The following BMP6 variants were observed in gnomAD, a reference collection of about 807,000 sequenced individuals.
The protein encoded by BMP6 is bone morphogenetic protein 6, also known as VG-1-R.
In BMP6, 17 loss-of-function variants were observed where a neutral mutation model predicts 54.1. That is an observed-to-expected ratio of 0.31 (90% CI 0.22 to 0.47). The LOEUF is 0.47. Among genes scored for constraint, BMP6 ranks in the 20% least tolerant of loss-of-function variants. The pLI, the probability that BMP6 is intolerant of heterozygous loss-of-function variation, is 1.00. For synonymous variants in BMP6, 328 were observed against 291.2 expected (o/e 1.13, Z -1.28); for missense variants, 720 against 690.4 (o/e 1.04, Z -0.48).
chr6:7,866,757 T>G (rs1056607025), intron 4 of BMP6, among the ~76,000 whole-genome samples: 8 of 152,248 alleles, frequency 5.3e-5, no homozygotes, highest in African/African-American at 1.9e-4. Context: ...TCTTGATGTT[T>G]ATGTTGTCAC....
At position 7,831,941 on chromosome 6, in the gene BMP6, A is replaced by G. The variant is rs959208729; in HGVS notation, c.665-13199A>G. On this transcript the variant is annotated intron_variant, in intron 1 of 6. Coordinates refer to ENST00000283147, the MANE Select transcript of BMP6 (RefSeq NM_001718.6). ...TGGCTCACACGTGCATTCAACACACATTCTTGGGCACCATGTACTAAGCCT... is the reference window on the plus strand; with the variant it reads ...TGGCTCACACGTGCATTCAACACACGTTCTTGGGCACCATGTACTAAGCCT... Among the ~76,000 whole-genome samples, 5 of 152,226 alleles carry G rather than the reference A, an allele frequency of 3.3e-5. No homozygotes were observed. In the East Asian group the frequency reaches 7.7e-4, roughly 23 times the overall value.
At chr6:7,804,924 C>T (rs926857212) in intron 1 of BMP6, among the ~76,000 whole-genome samples, 5 of 151,986 alleles carry the variant, frequency 3.3e-5, no homozygotes, top group African/African-American at 9.7e-5. Context: ...AAAAACACAG[C>T]CATTGCACAG....
At chr6:7,766,572 C>A (rs969864071) in intron 1 of BMP6, among the ~76,000 whole-genome samples, 8 of 152,130 alleles carry the variant, frequency 5.3e-5, no homozygotes, top group Non-Finnish European at 1.2e-4. Flanking sequence ...GAGCCAAGAT[C>A]GTGCCACTGC....
intron 2 of BMP6, among the ~76,000 whole-genome samples, chr6:7,856,755 C>T (rs897292109): frequency 1.3e-5 from 2 of 150,086 alleles, no homozygotes; most frequent in Non-Finnish European, 3.0e-5. Flanking sequence ...CGCCACTACG[C>T]CCGGCTAATT....
chr6:7,771,706 G>A (rs1757791183), intron 1 of BMP6, among the ~76,000 whole-genome samples: 2 of 152,010 alleles, frequency 1.3e-5, no homozygotes, highest in Admixed American at 1.3e-4. Context: ...GGTGGTGCAG[G>A]GCAGGCTGTA....
chr6:7,876,647 C>A (rs973901904), intron 4 of BMP6, among the ~76,000 whole-genome samples: 4 of 152,210 alleles, frequency 2.6e-5, no homozygotes, highest in South Asian at 2.1e-4. Context: ...TATAACTAAT[C>A]TGTTAAGTAA....
chr6:7,751,788 G>A (rs1301711835), intron 1 of BMP6, among the ~76,000 whole-genome samples: 1 of 152,230 alleles, frequency 6.6e-6, no homozygotes, highest in Non-Finnish European at 1.5e-5. Flanking sequence ...TAGTTAGAAT[G>A]TAAGATGTTT....
chr6:7,803,035 G>A (rs1758295095), intron 1 of BMP6, among the ~76,000 whole-genome samples: 2 of 152,200 alleles, frequency 1.3e-5, no homozygotes, highest in African/African-American at 4.8e-5. Context: ...AAATCAACCT[G>A]GGAAGAAAAA....
chr6:7,761,941 A>G lies in BMP6; in HGVS notation c.664+34322A>G, dbSNP rs1328921837. ...GAGACGGAGTCTGACTCTGTTGCCC[A>G]GGCTGGAGTGTAGTGGTGTGATCTC... is the stretch of plus-strand genomic sequence containing the variant. On this transcript the variant is annotated intron_variant, in intron 1 of 6. Transcript: ENST00000283147. 2.0e-5 allele frequency among the ~76,000 whole-genome samples: 3 copies of G among 152,094 alleles called. No individual in the cohort carries two copies. In the East Asian group the frequency reaches 5.8e-4, roughly 29 times the overall value.
At position 7,754,340 on chromosome 6, in the gene BMP6, C is replaced by G. The variant is rs561858741; in HGVS notation, c.664+26721C>G. Reference sequence around the variant, plus strand: ...GTTGCCTAGGTCTCAAACTCCTGAGCTCAAGCGATCTGCCCTCCTCGGCTT... The same window carrying G: ...GTTGCCTAGGTCTCAAACTCCTGAGGTCAAGCGATCTGCCCTCCTCGGCTT... On this transcript the variant is annotated intron_variant, in intron 1 of 6. Transcript: ENST00000283147. Among the ~76,000 whole-genome samples the G allele has an allele frequency of 7.4e-4, 113 of 152,172 alleles. 2 individuals carry two copies. The highest frequency in any genetic ancestry group is 2.9e-4 in the Non-Finnish European group (20 of 68,018).
intron 4 of BMP6, among the ~76,000 whole-genome samples, chr6:7,876,918 ATTGTT>A (rs775422024): frequency 6.7e-5 from 9 of 134,388 alleles, no homozygotes; most frequent in Admixed American, 5.1e-4. Flanking sequence ...TAGTTTTGTT[ATTGTT>A]TTGTTTTGTT....
chr6:7,764,986 AT>A (rs759337876), intron 1 of BMP6, among the ~76,000 whole-genome samples: 13 of 152,184 alleles, frequency 8.5e-5, no homozygotes, highest in Non-Finnish European at 1.8e-4. Flanking sequence ...TGTGCAGGTA[AT>A]TCGTTGACTT....
intron 1 of BMP6, among the ~76,000 whole-genome samples, chr6:7,809,482 G>C (rs1261653265): frequency 4.6e-5 from 7 of 152,250 alleles, no homozygotes; most frequent in African/African-American, 1.4e-4. Flanking sequence ...CGTAGCATGA[G>C]CAACAGGATT....
chr6:7,869,871 G>C (rs1186618253), intron 4 of BMP6, among the ~76,000 whole-genome samples: 1 of 152,206 alleles, frequency 6.6e-6, no homozygotes, highest in Admixed American at 6.5e-5. Flanking sequence ...AGGAGCAAGG[G>C]CAGGAAGATG....
chr6:7,860,781 A>G (rs1759320441), intron 2 of BMP6, among the ~76,000 whole-genome samples: 1 of 152,232 alleles, frequency 6.6e-6, no homozygotes, highest in Non-Finnish European at 1.5e-5. Context: ...TTACTTAGGC[A>G]TGCGATGTGG....
At chr6:7,835,421 T>C (rs972588759) in intron 1 of BMP6, among the ~76,000 whole-genome samples, 1 of 152,174 alleles carries the variant, frequency 6.6e-6, no homozygotes, top group Non-Finnish European at 1.5e-5. Context: ...TCTGAAGGAA[T>C]GAATACAGGC....
intron 1 of BMP6, among the ~76,000 whole-genome samples, chr6:7,778,603 G>A (rs1396860745): frequency 6.6e-6 from 1 of 152,150 alleles, no homozygotes; most frequent in Non-Finnish European, 1.5e-5. Flanking sequence ...TTCAAAAACC[G>A]AGGCACAGGG....
chr6:7,830,952 G>A (rs911500632), intron 1 of BMP6, among the ~76,000 whole-genome samples: 3 of 152,106 alleles, frequency 2.0e-5, no homozygotes, highest in African/African-American at 7.2e-5. Context: ...GAATGGAAGA[G>A]GTATATGCCC....
chr6:7,821,248 G>A (rs1348703088), intron 1 of BMP6, among the ~76,000 whole-genome samples: 4 of 152,136 alleles, frequency 2.6e-5, no homozygotes, highest in African/African-American at 9.7e-5. Context: ...TGGGGATTGG[G>A]GCCCTAAAGG....
Sources: gnomAD v4.1 joint callset for allele counts (sites outside exome capture counted in the v4.1 genomes callset) on GRCh38, gnomAD v4.1.1 for gene constraint, MANE v1.5 for transcripts, NCBI Gene and HGNC (gene_info 2026-07-23, HGNC 2026-07-21) for gene names.